Variants in CSMD1 observed in about 807,000 individuals in gnomAD.
The protein encoded by CSMD1 is CUB and sushi domain-containing protein 1.
CSMD1 carries 213 observed loss-of-function variants against 417.5 expected under a neutral mutation model. The ratio of observed to expected loss-of-function variants is 0.51; its 90% CI spans 0.46 to 0.57. The LOEUF (loss-of-function observed/expected upper bound fraction) is 0.57. Among genes scored for constraint, CSMD1 ranks in the 20% least tolerant of loss-of-function variants. CSMD1 has a pLI of 0.00. For synonymous variants in CSMD1, 2,862 were observed against 1,736.8 expected, an observed-to-expected ratio of 1.65 and a Z score of -16.11; for missense variants, 6,923 against 4,529.7, an observed-to-expected ratio of 1.53 and a Z score of -15.17.
At chr8:3,868,418 C>T (rs975434128) in intron 5 of CSMD1, among the ~76,000 whole-genome samples, 8 of 152,116 alleles carry the variant, frequency 5.3e-5, no homozygotes, top group Non-Finnish European at 1.2e-4. Context: ...CACACAAGGG[C>T]AGCTGGGGGG....
At chr8:3,642,920 G>C (rs1797377866) in intron 7 of CSMD1, among the ~76,000 whole-genome samples, 2 of 151,578 alleles carry the variant, frequency 1.3e-5, no homozygotes, top group Admixed American at 1.3e-4. Flanking sequence ...GTAACTTTCT[G>C]AAGATAAAAC....
At chr8:3,769,025 T>A (rs949910885) in intron 5 of CSMD1, among the ~76,000 whole-genome samples, 1 of 152,248 alleles carries the variant, frequency 6.6e-6, no homozygotes, top group African/African-American at 2.4e-5. Context: ...AGGGCGTTAG[T>A]TGCTTTTGGA....
chr8:3,544,305 G>C (rs945170536), intron 10 of CSMD1, among the ~76,000 whole-genome samples: 24 of 152,124 alleles, frequency 1.6e-4, no homozygotes, highest in African/African-American at 4.6e-4. Context: ...AAATAATATA[G>C]ATTCTTGCAA....
chr8:3,118,625 G>A, intron 41 of CSMD1, 38 bp from the exon 42 acceptor site: 1 of 1,584,316 alleles, frequency 6.3e-7, no homozygotes, highest in Non-Finnish European at 8.6e-7. Flanking sequence ...GCTTATATTT[G>A]TGAGGTTAAA....
intron 3 of CSMD1, among the ~76,000 whole-genome samples, chr8:4,091,495 T>C (rs564335626): frequency 6.6e-6 from 1 of 152,342 alleles, no homozygotes; most frequent in South Asian, 2.1e-4. Flanking sequence ...TATTTACTTA[T>C]ATGCTGCATT....
At chr8:4,925,836 C>G (rs894794652) in intron 1 of CSMD1, among the ~76,000 whole-genome samples, 1 of 152,138 alleles carries the variant, frequency 6.6e-6, no homozygotes, top group African/African-American at 2.4e-5. Context: ...CGTGAGCCCT[C>G]GCGCCTGGCC....
intron 23 of CSMD1, among the ~76,000 whole-genome samples, chr8:3,310,837 A>T (rs557426133): frequency 6.6e-6 from 1 of 151,406 alleles, no homozygotes; most frequent in East Asian, 1.9e-4. Context: ...ACCACACCCA[A>T]TGTGACCCGA....
At chr8:3,224,153 A>C (rs751915773) in intron 27 of CSMD1, among the ~76,000 whole-genome samples, 16 of 152,120 alleles carry the variant, frequency 1.1e-4, no homozygotes, top group Non-Finnish European at 1.8e-4. Context: ...ATAATTTAAA[A>C]TTTTCTCAAT....
At chr8:3,811,269 C>A (rs573935100) in intron 5 of CSMD1, among the ~76,000 whole-genome samples, 1 of 152,230 alleles carries the variant, frequency 6.6e-6, no homozygotes. Context: ...GAGCAATTAC[C>A]AGAGATAAGT....
chr8:3,200,564 A>AT (rs759948121), intron 32 of CSMD1, among the ~76,000 whole-genome samples: 4,451 of 146,036 alleles, frequency 0.03, 120 homozygotes, highest in Non-Finnish European at 0.044. Context: ...GTCTCAAAAA[A>AT]AAATAATAAT....
At chr8:4,179,676 T>C (rs1388319399) in intron 3 of CSMD1, among the ~76,000 whole-genome samples, 3 of 152,168 alleles carry the variant, frequency 2.0e-5, no homozygotes, top group Non-Finnish European at 4.4e-5. Flanking sequence ...CGCAATCTAC[T>C]CATCTGACAA....
chr8:4,928,826 T>A (rs1002894648), intron 1 of CSMD1, among the ~76,000 whole-genome samples: 1 of 152,032 alleles, frequency 6.6e-6, no homozygotes, highest in Admixed American at 6.6e-5. Flanking sequence ...TCACAGGACT[T>A]TGGGAGGCTG....
rs945835209 is a variant in CSMD1 at position 4,342,513 on chromosome 8, C to T, written c.415+77440G>A. Among the ~76,000 whole-genome samples, 9 of 151,956 alleles carry T rather than the reference C, an allele frequency of 5.9e-5. No individual in the cohort carries two copies. The South Asian group carries it at 6.2e-4, about 10-fold the overall frequency. Reference sequence around the variant, plus strand: ...AAATCAGCCAGGGTAGGTTTCATTCCGAACTCTGACATTTTCCTGATGTAT... The same window carrying T: ...AAATCAGCCAGGGTAGGTTTCATTCTGAACTCTGACATTTTCCTGATGTAT... On this transcript the variant is annotated intron_variant, in intron 3 of 69. Transcript: ENST00000635120.
intron 2 of CSMD1, among the ~76,000 whole-genome samples, chr8:4,604,906 A>C (rs1199977170): frequency 6.6e-6 from 1 of 152,214 alleles, no homozygotes; most frequent in Admixed American, 6.5e-5. Flanking sequence ...TTCGGGGTTC[A>C]GAATCATGCT....
At chr8:3,645,122 T>C (rs2117342542) in intron 7 of CSMD1, among the ~76,000 whole-genome samples, 1 of 152,270 alleles carries the variant, frequency 6.6e-6, no homozygotes, top group Admixed American at 6.5e-5. Flanking sequence ...TAAGGCCATG[T>C]TCAAAGCCAA....
chr8:3,373,353 G>A (rs186980266), intron 18 of CSMD1: 1 of 152,350 alleles, frequency 6.6e-6, no homozygotes, highest in East Asian at 1.9e-4. Flanking sequence ...TCAGGAGAAA[G>A]TCAGACAGAA....
In CSMD1 at chr8:4,817,034, C is replaced by T. The variant is rs536066001; in HGVS notation, c.85+177298G>A. On this transcript the variant is annotated intron_variant, in intron 1 of 69. Transcript: ENST00000635120. ...CTCAGAGGCTCCTGGCAGGGAAATGCGTGTTAAGATTTATAGACATATATG... is the reference window on the plus strand; with the variant it reads ...CTCAGAGGCTCCTGGCAGGGAAATGTGTGTTAAGATTTATAGACATATATG... Among the ~76,000 whole-genome samples, 10 of 152,186 alleles carry T rather than the reference C, an allele frequency of 6.6e-5. No homozygotes were observed. In the East Asian group the frequency reaches 7.7e-4, roughly 12 times the overall value.
intron 2 of CSMD1, among the ~76,000 whole-genome samples, chr8:4,469,324 G>C (rs895104016): frequency 6.6e-6 from 1 of 152,128 alleles, no homozygotes; most frequent in South Asian, 2.1e-4. Context: ...ATTATTTTCG[G>C]CTTTCTGAAA....
chr8:2,963,176 G>T lies in CSMD1; in HGVS notation c.9454+46C>A, dbSNP rs577005869. 3.1e-6 allele frequency: 5 copies of T among 1,598,980 alleles called. No individual in the cohort carries two copies. The South Asian group carries it at 3.3e-5, about 11-fold the overall frequency. ...GGATGTGCCCTGGTTATCCGTCCCTGTTGCAGACCTGCAGTGGGCGGAACA... is the reference window on the plus strand; with the variant it reads ...GGATGTGCCCTGGTTATCCGTCCCTTTTGCAGACCTGCAGTGGGCGGAACA... On this transcript the variant is annotated intron_variant, in intron 60 of 69. Coordinates refer to ENST00000635120, the MANE Select transcript of CSMD1 (RefSeq NM_033225.6).
Sources: gnomAD v4.1 joint callset for allele counts (sites outside exome capture counted in the v4.1 genomes callset) on GRCh38, gnomAD v4.1.1 for gene constraint, MANE v1.5 for transcripts, NCBI Gene and HGNC (gene_info 2026-07-23, HGNC 2026-07-21) for gene names.